Variants in NEGR1 observed in about 807,000 individuals in gnomAD.
NEGR1 encodes neuronal growth regulator 1.
A neutral mutation model predicts 40.9 loss-of-function variants in NEGR1; 10 were observed. The ratio of observed to expected loss-of-function variants is 0.24; its 90% CI spans 0.15 to 0.42. The LOEUF is 0.42. Ranked by LOEUF, NEGR1 falls within the 10% of genes least tolerant of loss-of-function variation. The probability of loss-of-function intolerance (pLI) is 1.00; values close to 1 mark genes in which losing one functional copy is unlikely to be tolerated. For missense variants in NEGR1, 352 were observed against 438.9 expected (o/e 0.80, Z 1.77); for synonymous variants, 185 against 166.8 (o/e 1.11, Z -0.84).
intron 5 of NEGR1, among the ~76,000 whole-genome samples, chr1:71,609,438 C>T (rs1300572161): frequency 1.5e-5 from 2 of 137,596 alleles, no homozygotes; most frequent in African/African-American, 5.3e-5. Context: ...TGGCGTGAAC[C>T]CGGGAGGCGG....
At chr1:71,706,760 CA>C (rs1653914992) in intron 3 of NEGR1, among the ~76,000 whole-genome samples, 1 of 151,748 alleles carries the variant, frequency 6.6e-6, no homozygotes, top group Non-Finnish European at 1.5e-5. Context: ...GAAGGAAACC[CA>C]CTGCCTTAAA....
At chr1:72,047,321 G>T (rs1338612776) in intron 1 of NEGR1, among the ~76,000 whole-genome samples, 4 of 151,112 alleles carry the variant, frequency 2.6e-5, no homozygotes, top group African/African-American at 9.7e-5. Context: ...CAGCATGTAA[G>T]AAAATGAAAA....
intron 1 of NEGR1, among the ~76,000 whole-genome samples, chr1:72,195,449 G>A (rs1009290754): frequency 4.0e-5 from 6 of 151,602 alleles, no homozygotes; most frequent in Admixed American, 2.0e-4. Flanking sequence ...TTATTCTTCC[G>A]AAATGTAATA....
chr1:71,420,332 G>T (rs966859230), intron 6 of NEGR1, among the ~76,000 whole-genome samples: 1 of 151,888 alleles, frequency 6.6e-6, no homozygotes, highest in Non-Finnish European at 1.5e-5. Flanking sequence ...CATAAGTCAG[G>T]AAATTATAAT....
chr1:71,670,923 G>C (rs537905358), intron 4 of NEGR1, among the ~76,000 whole-genome samples: 3 of 151,274 alleles, frequency 2.0e-5, no homozygotes, highest in East Asian at 3.9e-4. Context: ...CACACACACA[G>C]AGTATTTGCC....
intron 6 of NEGR1, among the ~76,000 whole-genome samples, chr1:71,418,222 A>G (rs1456530869): frequency 3.3e-5 from 5 of 151,804 alleles, no homozygotes; most frequent in African/African-American, 9.7e-5. Context: ...TTCAATGGGG[A>G]AAAAATGTGG....
chr1:71,681,618 G>A lies in NEGR1; in HGVS notation c.667+16390C>T, dbSNP rs146881037. ...CCTGGTTGCATTCATAGGAATTCCTGTTTCAGAATGAGAATTTTAAAATAA... is the reference window on the plus strand; with the variant it reads ...CCTGGTTGCATTCATAGGAATTCCTATTTCAGAATGAGAATTTTAAAATAA... On this transcript the variant is annotated intron_variant, in intron 4 of 6. Transcript: ENST00000357731. Among the ~76,000 whole-genome samples the A allele has an allele frequency of 7.6e-4, 116 of 152,226 alleles. 1 individual carries two copies. The highest frequency in any genetic ancestry group is 2.6e-3 in the African/African-American group (108 of 41,544).
intron 1 of NEGR1, among the ~76,000 whole-genome samples, chr1:72,008,408 T>C (rs1026744353): frequency 1.3e-5 from 2 of 152,252 alleles, no homozygotes; most frequent in South Asian, 2.1e-4. Context: ...ATTACATTTT[T>C]CTGACTCTAC....
chr1:71,972,438 G>A (rs1646264693), intron 1 of NEGR1, among the ~76,000 whole-genome samples: 1 of 151,954 alleles, frequency 6.6e-6, no homozygotes, highest in South Asian at 2.1e-4. Flanking sequence ...TACATATATG[G>A]GTCCTTTCTT....
intron 2 of NEGR1, among the ~76,000 whole-genome samples, chr1:71,803,663 A>G (rs1657643742): frequency 6.6e-6 from 1 of 152,134 alleles, no homozygotes; most frequent in South Asian, 2.1e-4. Context: ...TCCAAATATA[A>G]CCTTGTCAAA....
intron 3 of NEGR1, among the ~76,000 whole-genome samples, chr1:71,756,638 T>C (rs916634057): frequency 6.6e-6 from 1 of 152,078 alleles, no homozygotes; most frequent in Non-Finnish European, 1.5e-5. Flanking sequence ...GGTTCTTTTG[T>C]ACTGTAATTG....
intron 4 of NEGR1, among the ~76,000 whole-genome samples, chr1:71,671,592 C>A (rs1183304216): frequency 2.0e-5 from 3 of 152,184 alleles, no homozygotes; most frequent in African/African-American, 7.2e-5. Context: ...AGCCAGCCAT[C>A]TTGCCAAGTT....
chr1:71,936,288 CTTTTTTAT>C (rs751612287), intron 1 of NEGR1, among the ~76,000 whole-genome samples: 4 of 152,040 alleles, frequency 2.6e-5, no homozygotes, highest in Non-Finnish European at 5.9e-5. Context: ...TTGATCAATA[CTTTTTTAT>C]AAAGCATTCA....
At chr1:71,414,797 A>T (rs1324403612) in intron 6 of NEGR1, among the ~76,000 whole-genome samples, 1 of 152,102 alleles carries the variant, frequency 6.6e-6, no homozygotes, top group Non-Finnish European at 1.5e-5. Flanking sequence ...ACCAATGTAG[A>T]GATTTTCTGT....
At chr1:71,818,351 G>A (rs542549967) in intron 2 of NEGR1, among the ~76,000 whole-genome samples, 2 of 152,058 alleles carry the variant, frequency 1.3e-5, no homozygotes, top group East Asian at 3.9e-4. Flanking sequence ...ATACTATGCA[G>A]CCATTAAAAA....
chr1:71,973,010 T>C (rs1474598624), intron 1 of NEGR1, among the ~76,000 whole-genome samples: 1 of 152,120 alleles, frequency 6.6e-6, no homozygotes, highest in African/African-American at 2.4e-5. Flanking sequence ...ATTGAAAAAT[T>C]CAGAAATACC....
chr1:71,433,962 G>T (rs2101299967), intron 6 of NEGR1, among the ~76,000 whole-genome samples: 1 of 152,294 alleles, frequency 6.6e-6, no homozygotes, highest in East Asian at 1.9e-4. Context: ...TCACGTTGAG[G>T]TTGTTAAGTC....
At chr1:71,566,021 A>G (rs1024680976) in intron 6 of NEGR1, among the ~76,000 whole-genome samples, 12 of 152,194 alleles carry the variant, frequency 7.9e-5, no homozygotes, top group Admixed American at 7.9e-4. Flanking sequence ...GCCAAGGGAC[A>G]CCAACAATTG....
intron 1 of NEGR1, among the ~76,000 whole-genome samples, chr1:71,942,459 A>ATATATATATATCTATATC (rs1557446222): frequency 1.6e-4 from 1 of 6,408 alleles, no homozygotes; most frequent in African/African-American, 4.5e-4. Flanking sequence ...TTAAATCTAT[A>ATATATATATATCTATATC]TATATATATA....
Sources: allele counts gnomAD v4.1 joint callset (sites outside exome capture counted in the v4.1 genomes callset), GRCh38; gene constraint gnomAD v4.1.1; transcripts MANE v1.5; gene names NCBI Gene and HGNC (gene_info 2026-07-23, HGNC 2026-07-21).